Variants in OR56A3 observed in about 807,000 individuals in gnomAD.
OR56A3 encodes olfactory receptor family 56 subfamily A member 3.
In OR56A3, 23 loss-of-function variants were observed where a neutral mutation model predicts 17.5. The ratio of observed to expected loss-of-function variants is 1.32; its 90% CI spans 0.95 to 1.87. OR56A3 has a LOEUF of 1.87. Ranked by LOEUF, OR56A3 falls within the 40% of genes most tolerant of loss-of-function variation. OR56A3 has a pLI of 0.00. For missense variants in OR56A3, 366 were observed against 380.1 expected (o/e 0.96, Z 0.31); for synonymous variants, 175 against 150.6 (o/e 1.16, Z -1.19).
chr11:6,013,376 G>C, the OR56A3 span, among the ~76,000 whole-genome samples: 16 of 152,194 alleles, frequency 1.1e-4, no homozygotes, highest in African/African-American at 3.6e-4. Context: ...GGCCCTGCAG[G>C]GGGAGGCAAT....
the OR56A3 span, among the ~76,000 whole-genome samples, chr11:6,005,164 T>C: frequency 1.3e-5 from 2 of 152,194 alleles, no homozygotes; most frequent in Admixed American, 6.5e-5. Flanking sequence ...GAATAAATGA[T>C]ACGTAACTTT....
the OR56A3 span, chr11:6,020,791 C>A: frequency 1.3e-4 from 20 of 151,972 alleles, no homozygotes; most frequent in Admixed American, 5.9e-4. Context: ...ATTTGGATGG[C>A]CTTTATTTCT....
the OR56A3 span, among the ~76,000 whole-genome samples, chr11:6,010,947 T>A: frequency 3.9e-5 from 6 of 152,024 alleles, no homozygotes; most frequent in Non-Finnish European, 4.4e-5. Context: ...TTTTATCTCC[T>A]CCCCTTGTGA....
At position 5,948,320 on chromosome 11, in the gene OR56A3, C is replaced by A; in HGVS notation, c.*26C>A. 1 of 1,473,792 alleles carries A rather than the reference C, an allele frequency of 6.8e-7. No individual in the cohort carries two copies. The highest frequency in any genetic ancestry group is 9.4e-7 in the Non-Finnish European group (1 of 1,062,538). The allele number at this position is 1,473,792 out of a possible 1,614,324, so 91.3% of individuals were successfully genotyped here. On this transcript the variant is annotated 3_prime_UTR_variant, in exon 3 of 3. Coordinates refer to ENST00000641160, the MANE Select transcript of OR56A3 (RefSeq NM_001003443.3). ...CAAGGACCACTGGATCTCTGAATAT[C>A]TAAAATAAGATAATTTATTAATCAC... is the stretch of plus-strand genomic sequence containing the variant.
At chr11:6,021,096 A>G in the OR56A3 span, 1 of 152,134 alleles carries the variant, frequency 6.6e-6, no homozygotes, top group African/African-American at 2.4e-5. Context: ...GGAGAAGACA[A>G]TATAGAAAAG....
At chr11:5,957,376 T>C in the OR56A3 span, among the ~76,000 whole-genome samples, 1 of 152,242 alleles carries the variant, frequency 6.6e-6, no homozygotes, top group Non-Finnish European at 1.5e-5. Context: ...TTTCTTAATC[T>C]ATCTCATAAG....
At position 5,950,744 on chromosome 11, in the gene OR56A3, A is replaced by G. The variant is rs970069783; in HGVS notation, c.*2450A>G. On this transcript the variant is annotated 3_prime_UTR_variant, in exon 3 of 3. Coordinates refer to ENST00000641160, the MANE Select transcript of OR56A3 (RefSeq NM_001003443.3). ...GTGATATTGCACATTCCTTTTCTGT[A>G]CTAAGTCTTTGAAACACCCTGAGTA... is the stretch of plus-strand genomic sequence containing the variant. 6.6e-6 allele frequency: 1 copy of G among 152,140 alleles called. No homozygotes were observed. The highest frequency in any genetic ancestry group is 1.5e-5 in the Non-Finnish European group (1 of 67,996). The allele number at this position is 152,140 out of a possible 1,614,324, so 9.4% of individuals were successfully genotyped here. A position where few individuals can be genotyped will look rare whatever the true frequency, so the allele number is the denominator to read the frequency against.
At chr11:5,954,582 T>G (rs976126854), downstream of OR56A3, among the ~76,000 whole-genome samples, 3 of 152,192 alleles carry the variant, frequency 2.0e-5, no homozygotes, top group African/African-American at 7.2e-5. Flanking sequence ...TAAATAATGT[T>G]TTCATTGGAA....
chr11:5,967,311 C>T, the OR56A3 span: 11 of 476,606 alleles, frequency 2.3e-5, no homozygotes, highest in Non-Finnish European at 3.3e-5. Flanking sequence ...AATTCGTACT[C>T]ACATAGATGA....
chr11:5,973,142 A>G, the OR56A3 span, among the ~76,000 whole-genome samples: 1 of 152,318 alleles, frequency 6.6e-6, no homozygotes, highest in African/African-American at 2.4e-5. Flanking sequence ...AATTTACTCT[A>G]TGTAATCTCG....
chr11:5,980,190 G>A, the OR56A3 span, among the ~76,000 whole-genome samples: 1 of 152,114 alleles, frequency 6.6e-6, no homozygotes, highest in African/African-American at 2.4e-5. Context: ...TTCTGTAGAT[G>A]TCTCTTAGGT....
chr11:6,002,464 T>C, the OR56A3 span: 1 of 1,614,240 alleles, frequency 6.2e-7, no homozygotes. Flanking sequence ...CAGTTCTTGA[T>C]TATGTTTCCT....
At chr11:6,016,757 C>CA in the OR56A3 span, among the ~76,000 whole-genome samples, 36 of 144,088 alleles carry the variant, frequency 2.5e-4, no homozygotes, top group Middle Eastern at 3.5e-3. Flanking sequence ...ATAAATAATA[C>CA]AAAAAAAAAC....
the OR56A3 span, among the ~76,000 whole-genome samples, chr11:5,980,676 A>G: frequency 6.6e-6 from 1 of 152,128 alleles, no homozygotes; most frequent in Non-Finnish European, 1.5e-5. Context: ...TACCCCATTT[A>G]TTCTCAAGGT....
chr11:5,958,095 A>C, the OR56A3 span, among the ~76,000 whole-genome samples: 1 of 152,200 alleles, frequency 6.6e-6, no homozygotes, highest in East Asian at 1.9e-4. Context: ...CAAATCTGTG[A>C]GCATCCATCC....
the OR56A3 span, chr11:6,002,147 C>G: frequency 6.2e-7 from 1 of 1,614,124 alleles, no homozygotes; most frequent in African/African-American, 1.3e-5. Context: ...TGAGGTGGTG[C>G]AGGATGTTGA....
At chr11:5,951,573 A>G (rs1847908224), downstream of OR56A3, among the ~76,000 whole-genome samples, 1 of 152,172 alleles carries the variant, frequency 6.6e-6, no homozygotes, top group African/African-American at 2.4e-5. Flanking sequence ...ATTTTCCCAC[A>G]CATTACTCAT....
At chr11:6,003,464 G>T in the OR56A3 span, among the ~76,000 whole-genome samples, 1 of 152,120 alleles carries the variant, frequency 6.6e-6, no homozygotes, top group East Asian at 1.9e-4. Context: ...CAAGTTTACA[G>T]GTGGGCCAAG....
the OR56A3 span, among the ~76,000 whole-genome samples, chr11:6,015,803 T>C: frequency 6.6e-6 from 1 of 152,222 alleles, no homozygotes; most frequent in African/African-American, 2.4e-5. Flanking sequence ...AGTAACTTGT[T>C]TTTGATTTTA....
Sources: allele counts gnomAD v4.1 joint callset (sites outside exome capture counted in the v4.1 genomes callset), GRCh38; gene constraint gnomAD v4.1.1; transcripts MANE v1.5; gene names NCBI Gene and HGNC (gene_info 2026-07-23, HGNC 2026-07-21).